The following SUCLG2 variants were observed in gnomAD, a reference collection of about 807,000 sequenced individuals.
The protein encoded by SUCLG2 is succinate-CoA ligase GDP-forming subunit beta.
A neutral mutation model predicts 47.9 loss-of-function variants in SUCLG2; 42 were observed. That is an observed-to-expected ratio of 0.88 (90% confidence interval 0.69 to 1.14). The LOEUF (loss-of-function observed/expected upper bound fraction) is 1.14. Ranked by LOEUF, SUCLG2 falls within the 50% of genes most tolerant of loss-of-function variation. SUCLG2 has a pLI of 0.00. For missense variants in SUCLG2, 571 were observed against 525.9 expected, an observed-to-expected ratio of 1.09 and a Z score of -0.84; for synonymous variants, 195 against 197.3, an observed-to-expected ratio of 0.99 and a Z score of 0.10.
intron 7 of SUCLG2, among the ~76,000 whole-genome samples, chr3:67,503,282 A>G (rs1180145056): frequency 6.6e-6 from 1 of 152,220 alleles, no homozygotes; most frequent in Non-Finnish European, 1.5e-5. Flanking sequence ...AGTGAAGGAG[A>G]AACTTAGAAA....
chr3:67,592,495 G>C (rs186551609), intron 2 of SUCLG2, among the ~76,000 whole-genome samples: 90 of 152,154 alleles, frequency 5.9e-4, no homozygotes, highest in African/African-American at 2.0e-3. Context: ...AGTTCATAGA[G>C]AAAGAAACAG....
chr3:67,506,965 T>C (rs781075611), intron 7 of SUCLG2, among the ~76,000 whole-genome samples: 2 of 152,184 alleles, frequency 1.3e-5, no homozygotes, highest in African/African-American at 2.4e-5. Flanking sequence ...CAGAGGGACA[T>C]GGGTTCAAAT....
chr3:67,422,622 T>C (rs372830983), intron 9 of SUCLG2, among the ~76,000 whole-genome samples: 1 of 151,974 alleles, frequency 6.6e-6, no homozygotes, highest in East Asian at 1.9e-4. Context: ...AATTTTATAA[T>C]CTAGTGGTGA....
chr3:67,536,855 G>A (rs1411916101), intron 2 of SUCLG2, among the ~76,000 whole-genome samples: 3 of 152,102 alleles, frequency 2.0e-5, no homozygotes, highest in Non-Finnish European at 2.9e-5. Flanking sequence ...CTTTGATAGC[G>A]CAATCCTACT....
chr3:67,501,906 A>C (rs1367262038), intron 7 of SUCLG2, among the ~76,000 whole-genome samples: 1 of 152,192 alleles, frequency 6.6e-6, no homozygotes, highest in Admixed American at 6.5e-5. Flanking sequence ...TTATAAAAAA[A>C]TAAGATAAAA....
intron 10 of SUCLG2, among the ~76,000 whole-genome samples, chr3:67,389,324 G>A (rs1319527476): frequency 6.6e-6 from 1 of 152,134 alleles, no homozygotes; most frequent in East Asian, 1.9e-4. Flanking sequence ...CTGCAACACT[G>A]GAGAGAGTGC....
At chr3:67,595,711 A>C (rs1575804486) in intron 2 of SUCLG2, among the ~76,000 whole-genome samples, 1 of 152,210 alleles carries the variant, frequency 6.6e-6, no homozygotes, top group Non-Finnish European at 1.5e-5. Context: ...ACAATGGCAT[A>C]TCTCAGGAAG....
intron 2 of SUCLG2, among the ~76,000 whole-genome samples, chr3:67,576,602 C>T (rs561405775): frequency 3.3e-5 from 5 of 152,324 alleles, no homozygotes; most frequent in South Asian, 2.1e-4. Context: ...GAACACCCTC[C>T]GCTTGAGACA....
intron 10 of SUCLG2, among the ~76,000 whole-genome samples, chr3:67,393,894 T>C (rs1030589626): frequency 6.6e-6 from 1 of 152,198 alleles, no homozygotes; most frequent in African/African-American, 2.4e-5. Flanking sequence ...CCACCGCCAC[T>C]GATACCCAGG....
At chr3:67,402,963 G>A (rs1702720825) in intron 9 of SUCLG2, among the ~76,000 whole-genome samples, 2 of 152,166 alleles carry the variant, frequency 1.3e-5, no homozygotes, top group Non-Finnish European at 2.9e-5. Flanking sequence ...GAAGGGGCTT[G>A]AGACCCTGTG....
intron 9 of SUCLG2, among the ~76,000 whole-genome samples, chr3:67,457,066 A>T (rs1158397385): frequency 1.3e-5 from 2 of 152,244 alleles, no homozygotes. Context: ...TATGAACATT[A>T]GACATGGAAG....
At chr3:67,548,080 TA>T (rs939588940) in intron 2 of SUCLG2, among the ~76,000 whole-genome samples, 4 of 152,210 alleles carry the variant, frequency 2.6e-5, no homozygotes, top group African/African-American at 9.7e-5. Flanking sequence ...CAGTGTTTGC[TA>T]GGAGCTTACT....
At chr3:67,558,330 C>T (rs1205450515) in intron 2 of SUCLG2, among the ~76,000 whole-genome samples, 3 of 132,918 alleles carry the variant, frequency 2.3e-5, no homozygotes, top group African/African-American at 6.1e-5. Flanking sequence ...TTCTTTGACA[C>T]CAAAAAAAAA....
Position 67,639,783 on chromosome 3 carries a change from C to T in SUCLG2, c.84+14720G>A, listed in dbSNP as rs114937538. ...CCCCTTTGAGTTTTTCCTGAGAATG[C>T]CTCCCCGAAAAGCCACTTTCACATG... On this transcript the variant is annotated intron_variant, in intron 1 of 10. Coordinates refer to ENST00000307227, the MANE Select transcript of SUCLG2 (RefSeq NM_003848.4). Among the ~76,000 whole-genome samples the T allele has an allele frequency of 9.9e-3, 1,513 of 152,242 alleles. 30 individuals are homozygous for T. The highest frequency in any genetic ancestry group is 0.034 in the African/African-American group (1,408 of 41,514).
chr3:67,455,178 A>G (rs924546670), intron 9 of SUCLG2, among the ~76,000 whole-genome samples: 1 of 152,084 alleles, frequency 6.6e-6, no homozygotes, highest in African/African-American at 2.4e-5. Context: ...CTATTTCTAT[A>G]TATATTTTAG....
intron 1 of SUCLG2, among the ~76,000 whole-genome samples, chr3:67,654,186 G>T (rs1321044039): frequency 6.6e-6 from 1 of 152,244 alleles, no homozygotes; most frequent in Non-Finnish European, 1.5e-5. Flanking sequence ...CCCGGTCCAA[G>T]AAACTTTTCT....
intron 10 of SUCLG2, among the ~76,000 whole-genome samples, chr3:67,367,552 G>C (rs2106745222): frequency 6.6e-6 from 1 of 152,158 alleles, no homozygotes; most frequent in Middle Eastern, 3.4e-3. Flanking sequence ...AATTGAATCA[G>C]TGTGTCTCAA....
chr3:67,371,360 C>A (rs1701950366), downstream of SUCLG2, among the ~76,000 whole-genome samples: 1 of 152,214 alleles, frequency 6.6e-6, no homozygotes, highest in Non-Finnish European at 1.5e-5. Context: ...GACTGCCAGA[C>A]CTAAACTTCT....
At chr3:67,536,417 T>C (rs912257357) in intron 2 of SUCLG2, among the ~76,000 whole-genome samples, 5 of 152,324 alleles carry the variant, frequency 3.3e-5, no homozygotes, top group South Asian at 2.1e-4. Context: ...CCATTGGTGA[T>C]AGGCGCCCTC....
Sources: gnomAD v4.1 joint callset for allele counts (sites outside exome capture counted in the v4.1 genomes callset) on GRCh38, gnomAD v4.1.1 for gene constraint, MANE v1.5 for transcripts, NCBI Gene and HGNC (gene_info 2026-07-23, HGNC 2026-07-21) for gene names.